The following PCSK9 variants were observed in gnomAD, a reference collection of about 807,000 sequenced individuals.
PCSK9 encodes convertase subtilisin/kexin type 9 preproprotein.
In PCSK9, 57 loss-of-function variants were observed where a neutral mutation model predicts 62.1. The ratio of observed to expected loss-of-function variants is 0.92; its 90% CI spans 0.74 to 1.14. The LOEUF is 1.14. Ranked by LOEUF, PCSK9 falls within the 50% of genes most tolerant of loss-of-function variation. The pLI is 0.00. For missense variants in PCSK9, 870 were observed against 959.8 expected (o/e 0.91, Z 1.24); for synonymous variants, 387 against 409.4 (o/e 0.95, Z 0.66).
At chr1:55,063,113 A>T (rs1373366651) in intron 11 of PCSK9, among the ~76,000 whole-genome samples, 1 of 152,076 alleles carries the variant, frequency 6.6e-6, no homozygotes, top group Non-Finnish European at 1.5e-5. Flanking sequence ...CTGGCATGGT[A>T]GGCATCTGTC....
chr1:55,063,687 G>A lies in PCSK9; in HGVS notation c.*103G>A. 2.3e-6 allele frequency: 3 copies of A among 1,324,196 alleles called. No individual in the cohort carries two copies. The highest frequency in any genetic ancestry group is 1.5e-5 in the African/African-American group (1 of 68,778). 82.0% of individuals were successfully genotyped at this position (1,324,196 alleles called of 1,614,324 possible). A position where few individuals can be genotyped will look rare whatever the true frequency, so the allele number is the denominator to read the frequency against. ...CTCTCAGCCCTCCATGGCCTGGCAC[G>A]AGGGGATGGGGATGCTTCCGCCTTT... On this transcript the variant is annotated 3_prime_UTR_variant, in exon 12 of 12. Coordinates refer to ENST00000302118, the MANE Select transcript of PCSK9 (RefSeq NM_174936.4).
At chr1:55,056,468 A>G (rs479910) in intron 6 of PCSK9, among the ~76,000 whole-genome samples, 82,271 of 151,576 alleles carry the variant, frequency 0.54, 24,342 homozygotes, top group East Asian at 0.76. Flanking sequence ...ACGCCCCCAC[A>G]CCCCGTCCTG....
chr1:55,062,733 A>T (rs541985686), intron 11 of PCSK9, among the ~76,000 whole-genome samples: 4 of 152,284 alleles, frequency 2.6e-5, no homozygotes, highest in Admixed American at 2.6e-4. Context: ...CTCAGAGGGG[A>T]CAGGGCCAAG....
chr1:55,063,621 A>C lies in PCSK9; in HGVS notation c.*37A>C. On this transcript the variant is annotated 3_prime_UTR_variant, in exon 12 of 12. Coordinates refer to ENST00000302118, the MANE Select transcript of PCSK9 (RefSeq NM_174936.4). ...CAGGATGGGTGTCTGGGGAGGGTCA[A>C]GGGCTGGGGCTGAGCTTTAAAATGG... is the stretch of plus-strand genomic sequence containing the variant. 1 of 1,597,232 alleles carries C rather than the reference A, an allele frequency of 6.3e-7. No individual in the cohort carries two copies. The highest frequency in any genetic ancestry group is 1.1e-5 in the South Asian group (1 of 89,236).
At position 55,056,224 on chromosome 1, in the gene PCSK9, AGGGGGCG is replaced by A. The variant is rs747943483; in HGVS notation, c.996+37_996+43del. On this transcript the variant is annotated intron_variant, in intron 6 of 11. Coordinates refer to ENST00000302118, the MANE Select transcript of PCSK9 (RefSeq NM_174936.4). The stretch of plus-strand genomic sequence containing the variant: ...GGGGCTGCTGCCCCAAGGCGCGGGT[AGGGGGCG>A]GAGGGCGGAGGGCGGAGGGAGGGCG... 2.3e-3 allele frequency: 500 copies of A among 216,364 alleles called. 2 individuals carry two copies. The highest frequency in any genetic ancestry group is 0.023 in the Middle Eastern group (10 of 442). The allele number at this position is 216,364 out of a possible 1,614,324, so 13.4% of individuals were successfully genotyped here.
Position 55,063,924 on chromosome 1 carries a change from T to G in PCSK9, c.*340T>G. ...GGCAGAATGACTTTTATTGAGCTCT[T>G]GTTCCGTGCCAGGCATTCAATCCTC... On this transcript the variant is annotated 3_prime_UTR_variant, in exon 12 of 12. Transcript: ENST00000302118. 2.9e-6 allele frequency: 1 copy of G among 346,588 alleles called. No individual in the cohort carries two copies. Among genetic ancestry groups the G allele is most frequent in the Non-Finnish European group, 5.4e-6 (1 of 186,140 alleles). The allele number at this position is 346,588 out of a possible 1,614,324, so 21.5% of individuals were successfully genotyped here. A position where few individuals can be genotyped will look rare whatever the true frequency, so the allele number is the denominator to read the frequency against.
Position 55,058,670 on chromosome 1 carries a change from T to C in PCSK9, c.1503+23T>C, listed in dbSNP as rs371004381. 11 of 34,858 alleles carry C rather than the reference T, an allele frequency of 3.2e-4. No individual in the cohort carries two copies. In the African/African-American group the frequency reaches 4.0e-3, roughly 13 times the overall value. 2.2% of individuals were successfully genotyped at this position (34,858 alleles called of 1,614,324 possible). On this transcript the variant is annotated intron_variant, in intron 9 of 11. Transcript: ENST00000302118. ...GAGGTGACTGTACCCCTCCTTCGTG[T>C]GTGTGTGTGTGTGTGTGTGTGTGTG...
At chr1:55,049,876 C>A (rs1338364743) in intron 3 of PCSK9, among the ~76,000 whole-genome samples, 3 of 152,216 alleles carry the variant, frequency 2.0e-5, no homozygotes, top group Non-Finnish European at 2.9e-5. Flanking sequence ...GTGGTCACAT[C>A]ATCTTGCAGC....
At chr1:55,054,048 C>T (rs2100303411) in intron 5 of PCSK9, among the ~76,000 whole-genome samples, 1 of 152,292 alleles carries the variant, frequency 6.6e-6, no homozygotes, top group Middle Eastern at 3.4e-3. Context: ...ATTGTGTGTC[C>T]AGTCTGAGCA....
At chr1:55,043,117 G>A (rs1218923790) in intron 1 of PCSK9, among the ~76,000 whole-genome samples, 1 of 152,228 alleles carries the variant, frequency 6.6e-6, no homozygotes, top group African/African-American at 2.4e-5. Context: ...GCAGAATCAT[G>A]AGCTGAATAA....
At chr1:55,056,554 C>T (rs1644716803) in intron 6 of PCSK9, among the ~76,000 whole-genome samples, 1 of 152,188 alleles carries the variant, frequency 6.6e-6, no homozygotes, top group South Asian at 2.1e-4. Flanking sequence ...GTCCTCTGCC[C>T]AATACTCTTT....
rs755817854 is a variant in PCSK9 at position 55,059,478 on chromosome 1, ACT to A, written c.1504-5_1504-4del. On this transcript the variant is annotated splice_region_variant and splice_polypyrimidine_tract_variant and intron_variant, in intron 9 of 11. Transcript: ENST00000302118. ...AAGCAGATTCCCATTTCCGTCTTTG[ACT>A]CTAAGGCCCAAGGGGGCAAGCTGGT... 221 of 1,559,438 alleles carry A rather than the reference ACT, an allele frequency of 1.4e-4. No homozygotes were observed. The highest frequency in any genetic ancestry group is 3.9e-5 in the Admixed American group (2 of 51,588).
intron 3 of PCSK9, chr1:55,051,983 TTAGA>T (rs1644677531): frequency 2.1e-6 from 1 of 466,524 alleles, no homozygotes; most frequent in East Asian, 4.2e-5. Context: ...CATATTATTG[TTAGA>T]TATTGATATT....
chr1:55,058,434 T>A, intron 8 of PCSK9, 65 bp from the exon 9 acceptor site: 1 of 1,608,146 alleles, frequency 6.2e-7, no homozygotes, highest in Non-Finnish European at 8.5e-7. Context: ...TACCATGAAC[T>A]AAAGATTTCT....
intron 6 of PCSK9, 58 bp downstream of exon 6, chr1:55,056,247 AGGGAGGGCGGGC>A: frequency 1.6e-4 from 2 of 12,198 alleles, no homozygotes; most frequent in Non-Finnish European, 3.0e-4. Flanking sequence ...CGGAGGGCGG[AGGGAGGGCGGGC>A]GGGCAGGCGG....
chr1:55,039,879 A>C lies in PCSK9; in HGVS notation c.42A>C (p.Pro14=). Residue 14 remains proline (P), a synonymous_variant, in exon 1 of 12, where the codon CCA becomes CCC. Transcript: ENST00000302118. ...VSSRRSWWPL[P]LLLLLLLLLG... The stretch of plus-strand genomic sequence containing the variant: ...CCAGGCGGTCCTGGTGGCCGCTGCC[A>C]CTGCTGCTGCTGCTGCTGCTGCTCC... 1 of 1,557,904 alleles carries C rather than the reference A, an allele frequency of 6.4e-7. No homozygotes were observed. The highest frequency in any genetic ancestry group is 1.9e-5 in the Admixed American group (1 of 51,930).
rs767632479 is a variant in PCSK9, at chr1:55,059,661, C to G, written c.1679C>G (p.Thr560Arg). The change falls in exon 10 of 12, where the codon ACA (threonine) becomes AGA (arginine). Residue 560 changes from threonine (T) to arginine (R), a missense_variant and splice_region_variant. Coordinates refer to ENST00000302118, the MANE Select transcript of PCSK9 (RefSeq NM_174936.4). ...TGCCACCAACAGGGCCACGTCCTCACAGGTAGGAGGCTGGGCTTGCCCTGG... is the reference window on the plus strand; with the variant it reads ...TGCCACCAACAGGGCCACGTCCTCAGAGGTAGGAGGCTGGGCTTGCCCTGG... Reference protein sequence around the residue: ...VHCHQQGHVLTGCSSHWEVED... With the variant: ...VHCHQQGHVLRGCSSHWEVED... 6.5e-7 allele frequency: 1 copy of G among 1,550,386 alleles called. No homozygotes were observed. Among genetic ancestry groups the G allele is most frequent in the East Asian group, 2.4e-5 (1 of 40,914 alleles).
chr1:55,063,232 G>A, intron 11 of PCSK9, 137 bp from the exon 12 acceptor site: 1 of 904,296 alleles, frequency 1.1e-6, no homozygotes, highest in South Asian at 1.5e-5. Context: ...ACACGGTTGT[G>A]TCCCAAATGG....
intron 11 of PCSK9, 59 bp downstream of exon 11, chr1:55,061,615 TTC>T: frequency 6.5e-7 from 1 of 1,545,510 alleles, no homozygotes; most frequent in Non-Finnish European, 8.8e-7. Flanking sequence ...TGCACAGCTT[TTC>T]TGTGTCAGTT....
Sources: allele counts gnomAD v4.1 joint callset (sites outside exome capture counted in the v4.1 genomes callset), GRCh38; gene constraint gnomAD v4.1.1; transcripts MANE v1.5; gene names NCBI Gene and HGNC (gene_info 2026-07-23, HGNC 2026-07-21).